WDR49: variants seen among roughly 807,000 people sequenced by gnomAD.
WDR49 encodes WD repeat domain 49.
WDR49 carries 107 observed loss-of-function variants against 119.5 expected under a neutral mutation model. The ratio of observed to expected loss-of-function variants is 0.90; its 90% CI spans 0.77 to 1.05. WDR49 has a LOEUF of 1.05. Among genes scored for constraint, WDR49 ranks in the 50% least tolerant of loss-of-function variants. WDR49 has a pLI of 0.00. For missense variants in WDR49, 1,240 were observed against 1,220.5 expected (o/e 1.02, Z -0.24); for synonymous variants, 425 against 418.8 (o/e 1.01, Z -0.18).
intron 2 of WDR49, among the ~76,000 whole-genome samples, chr3:167,636,103 T>C (rs1357229327): frequency 6.6e-6 from 1 of 151,708 alleles, no homozygotes; most frequent in Non-Finnish European, 1.5e-5. Flanking sequence ...TAGTCTTTCA[T>C]TCCTCAACCC....
chr3:167,641,306 A>T (rs1338269067), intron 2 of WDR49, among the ~76,000 whole-genome samples: 1 of 151,918 alleles, frequency 6.6e-6, no homozygotes, highest in African/African-American at 2.4e-5. Flanking sequence ...CTTGGTTTAC[A>T]TTACACTGTG....
At chr3:167,548,112 C>A (rs372832367) in intron 10 of WDR49, among the ~76,000 whole-genome samples, 7 of 151,994 alleles carry the variant, frequency 4.6e-5, no homozygotes, top group Non-Finnish European at 7.4e-5. Context: ...CTTGTAGGGT[C>A]CATTTTCATT....
intron 7 of WDR49, among the ~76,000 whole-genome samples, chr3:167,597,074 G>A (rs909991872): frequency 1.1e-4 from 17 of 152,244 alleles, no homozygotes; most frequent in South Asian, 8.3e-4. Flanking sequence ...AATGTCTCCA[G>A]GGCATTTTGG....
In WDR49 at chr3:167,575,941, G is replaced by C. The variant is rs759968165; in HGVS notation, c.1486C>G (p.Leu496Val). 3.7e-6 allele frequency: 6 copies of C among 1,614,102 alleles called. No homozygotes were observed. Among genetic ancestry groups the C allele is most frequent in the Non-Finnish European group, 5.1e-6 (6 of 1,179,982 alleles). The change falls in exon 8 of 19, where the codon CTT (leucine) becomes GTT (valine). Residue 496 changes from leucine to valine, a missense_variant. Leu to Val is a conservative substitution (Grantham distance 32, BLOSUM62 1). Transcript: ENST00000682715. ...ACCTGCTTCAAGATAGAATTGTAAA[G>C]AACACAAGTGACTGCTTTCTCATGG... ...KSHEKAVTCV[L>V]YNSILKQVIS...
chr3:167,602,388 G>A (rs1715819541), intron 6 of WDR49, 113 bp from the exon 7 acceptor site: 16 of 931,594 alleles, frequency 1.7e-5, no homozygotes, highest in Non-Finnish European at 2.4e-5. Flanking sequence ...GTCAACTGTA[G>A]GTTGACTAAT....
At chr3:167,542,223 G>T (rs999498938) in intron 10 of WDR49, among the ~76,000 whole-genome samples, 1 of 152,012 alleles carries the variant, frequency 6.6e-6, no homozygotes, top group African/African-American at 2.4e-5. Context: ...CGAGTAAACA[G>T]GTTGTCAAGA....
intron 18 of WDR49, among the ~76,000 whole-genome samples, chr3:167,480,287 A>C (rs1750660938): frequency 6.6e-6 from 1 of 150,786 alleles, no homozygotes; most frequent in Non-Finnish European, 1.5e-5. Context: ...AATAATAACT[A>C]CTATTAGAAT....
intron 11 of WDR49, 98 bp downstream of exon 11, chr3:167,536,766 TATATAA>T: frequency 1.2e-5 from 7 of 597,834 alleles, no homozygotes; most frequent in South Asian, 5.1e-5. Context: ...CATATATATA[TATATAA>T]AACAACTGAG....
chr3:167,582,754 C>G (rs1560297169), intron 7 of WDR49, among the ~76,000 whole-genome samples: 1 of 151,926 alleles, frequency 6.6e-6, no homozygotes, highest in Non-Finnish European at 1.5e-5. Context: ...GTTGACCTGC[C>G]TGGCCAACAT....
chr3:167,550,011 T>C (rs1043365700), intron 10 of WDR49, among the ~76,000 whole-genome samples: 1 of 152,084 alleles, frequency 6.6e-6, no homozygotes, highest in African/African-American at 2.4e-5. Context: ...TGTAGATGTG[T>C]GGTATTATTT....
intron 18 of WDR49, among the ~76,000 whole-genome samples, chr3:167,497,502 C>A (rs941268801): frequency 6.6e-6 from 1 of 151,978 alleles, no homozygotes; most frequent in Non-Finnish European, 1.5e-5. Flanking sequence ...AGCCATTAAC[C>A]CCACCTCTTT....
intron 2 of WDR49, among the ~76,000 whole-genome samples, chr3:167,630,577 C>T (rs1280404119): frequency 6.6e-6 from 1 of 151,912 alleles, no homozygotes; most frequent in East Asian, 1.9e-4. Context: ...GTAAAATTAC[C>T]CCATGGTGAA....
intron 7 of WDR49, among the ~76,000 whole-genome samples, chr3:167,585,391 C>CATGTGT (rs1219342410): frequency 2.2e-5 from 3 of 137,390 alleles, no homozygotes; most frequent in African/African-American, 7.8e-5. Context: ...TAAAAGGGTG[C>CATGTGT]GTGTGTGTGT....
At chr3:167,642,825 C>T (rs956250736) in intron 2 of WDR49, among the ~76,000 whole-genome samples, 9 of 151,892 alleles carry the variant, frequency 5.9e-5, no homozygotes, top group Non-Finnish European at 1.2e-4. Flanking sequence ...CAAGGGCTGG[C>T]TTGAAGGGGT....
intron 10 of WDR49, 136 bp from the exon 11 acceptor site, chr3:167,537,136 C>T: frequency 1.3e-6 from 1 of 765,844 alleles, no homozygotes; most frequent in Non-Finnish European, 1.8e-6. Context: ...ACTTGACAAC[C>T]ATAATACTGA....
chr3:167,532,073 G>T lies in WDR49; in HGVS notation c.2054-794C>A, dbSNP rs1180405109. 3.3e-5 allele frequency among the ~76,000 whole-genome samples: 5 copies of T among 152,194 alleles called. No individual in the cohort carries two copies. The East Asian group carries it at 9.7e-4, about 29-fold the overall frequency. ...AGTACATAAAGCAGGTCAGAGCTTT[G>T]TGTTTGCAACCAAGTATCCCCTAAA... On this transcript the variant is annotated intron_variant, in intron 12 of 18. Transcript: ENST00000682715.
chr3:167,533,626 T>G (rs1463771629), intron 11 of WDR49, among the ~76,000 whole-genome samples: 1 of 152,140 alleles, frequency 6.6e-6, no homozygotes, highest in African/African-American at 2.4e-5. Flanking sequence ...GAATATTGTC[T>G]TCTCCAATCC....
chr3:167,587,943 G>T (rs1306228899), intron 7 of WDR49, among the ~76,000 whole-genome samples: 2 of 152,134 alleles, frequency 1.3e-5, no homozygotes, highest in African/African-American at 4.8e-5. Context: ...TATCCTGTGT[G>T]TTACAAGCAA....
intron 8 of WDR49, among the ~76,000 whole-genome samples, chr3:167,569,790 A>G (rs553585786): frequency 2.0e-5 from 3 of 152,210 alleles, no homozygotes; most frequent in African/African-American, 7.2e-5. Context: ...GTTTAAGAGT[A>G]GAATAGCCCT....
Sources: gnomAD v4.1 joint callset for allele counts (sites outside exome capture counted in the v4.1 genomes callset) on GRCh38, gnomAD v4.1.1 for gene constraint, MANE v1.5 for transcripts, NCBI Gene and HGNC (gene_info 2026-07-23, HGNC 2026-07-21) for gene names.